Variants in ADCY7 observed in about 807,000 individuals in gnomAD.
The protein encoded by ADCY7 is adenylate cyclase type 7.
Under a neutral mutation model 120.6 loss-of-function variants are expected in ADCY7, and 72 were observed. That is an observed-to-expected ratio of 0.60 (90% CI 0.49 to 0.73). ADCY7 has a LOEUF of 0.73. ADCY7 is among the 30% of genes least tolerant of loss of function. ADCY7 has a pLI of 0.00. For missense variants in ADCY7, 1,227 were observed against 1,486.0 expected, an observed-to-expected ratio of 0.83 and a Z score of 2.87; for synonymous variants, 661 against 628.0, an observed-to-expected ratio of 1.05 and a Z score of -0.78.
At chr16:50,254,179 C>T (rs1480473354) in intron 1 of ADCY7, among the ~76,000 whole-genome samples, 7 of 152,146 alleles carry the variant, frequency 4.6e-5, no homozygotes, top group African/African-American at 1.7e-4. Context: ...AAGGTTTTGA[C>T]GTTTCATTAT....
At position 50,297,297 on chromosome 16, in the gene ADCY7, A is replaced by G. The variant is rs926600658; in HGVS notation, c.949-1607A>G. 5.9e-5 allele frequency among the ~76,000 whole-genome samples: 9 copies of G among 152,174 alleles called. No homozygotes were observed. Among genetic ancestry groups the G allele is most frequent in the Non-Finnish European group, 1.3e-4 (9 of 68,032 alleles). ...GGCATACAAGTCACACCTCCGCACA[A>G]GACCCAGCTCCCCAACTCCAAGTGT... On this transcript the variant is annotated intron_variant, in intron 7 of 25. Transcript: ENST00000673801. This position sits in a 1 kb window ranked among gnomAD's most constrained non-coding sequence, Gnocchi z 4.4.
chr16:50,283,318 G>GT (rs1223420987), intron 1 of ADCY7, among the ~76,000 whole-genome samples: 1 of 152,230 alleles, frequency 6.6e-6, no homozygotes, highest in Non-Finnish European at 1.5e-5. Context: ...GGTGTTGCCA[G>GT]GCCCCTGTCT....
chr16:50,286,544 C>T (rs572027965), intron 1 of ADCY7, among the ~76,000 whole-genome samples: 1 of 152,238 alleles, frequency 6.6e-6, no homozygotes, highest in Admixed American at 6.5e-5. Context: ...GCCTATGCCC[C>T]CCCACCTTCC....
intron 1 of ADCY7, among the ~76,000 whole-genome samples, 194 bp from the exon 2 acceptor site, chr16:50,287,718 C>T (rs2034671159): frequency 6.7e-6 from 1 of 149,208 alleles, no homozygotes. Context: ...TGGCTAGTGG[C>T]TACTATCTTG....
chr16:50,300,132 C>T (rs1304026520), intron 8 of ADCY7, among the ~76,000 whole-genome samples: 3 of 152,092 alleles, frequency 2.0e-5, no homozygotes, highest in Non-Finnish European at 2.9e-5. Context: ...TTGCCCAGAG[C>T]GTATCTCGGT....
intron 2 of ADCY7, 22 bp downstream of exon 2, chr16:50,288,372 G>A (rs2034716075): frequency 1.3e-6 from 2 of 1,522,370 alleles, no homozygotes; most frequent in Non-Finnish European, 8.9e-7. Flanking sequence ...CAGCCCCTGG[G>A]CTTCACGTCT....
chr16:50,310,448 C>T (rs1567579398), intron 18 of ADCY7: 32 of 1,535,956 alleles, frequency 2.1e-5, no homozygotes, highest in Non-Finnish European at 2.8e-5. Flanking sequence ...TCTGTTGTAT[C>T]CACAGCACCT....
intron 1 of ADCY7, among the ~76,000 whole-genome samples, chr16:50,277,839 T>A (rs1231980769): frequency 6.6e-6 from 1 of 151,694 alleles, no homozygotes; most frequent in Non-Finnish European, 1.5e-5. Flanking sequence ...CCCAGCTAAT[T>A]TTTTGTATTT....
At chr16:50,295,693 C>T (rs1463303838) in intron 7 of ADCY7, among the ~76,000 whole-genome samples, 1 of 151,962 alleles carries the variant, frequency 6.6e-6, no homozygotes, top group Non-Finnish European at 1.5e-5. Flanking sequence ...AGGGCTGAGG[C>T]GAGGACCAGG....
rs548647501 is a variant in ADCY7 at position 50,290,528 on chromosome 16, G to T, written c.243G>T (p.Val81=). The T allele has an allele frequency of 6.2e-7, 1 of 1,614,236 alleles. No individual in the cohort carries two copies. Among genetic ancestry groups the T allele is most frequent in the East Asian group, 2.2e-5 (1 of 44,888 alleles). The change falls in exon 3 of 26, where the codon GTG becomes GTT. Residue 81 remains valine, a synonymous_variant. Coordinates refer to ENST00000673801, the MANE Select transcript of ADCY7 (RefSeq NM_001114.5). Reference sequence around the variant, plus strand: ...TGGCGGTGTTTGCGGCCCTCTCTGTGCTGATGTACGTCGAGTGTCTCCTGC... The same window carrying T: ...TGGCGGTGTTTGCGGCCCTCTCTGTTCTGATGTACGTCGAGTGTCTCCTGC... ...LVLAVFAALS[V]LMYVECLLRR... is the part of the protein sequence containing the mutation.
rs185649823 is a variant in ADCY7, at chr16:50,270,352, G to A, written c.-269+3672G>A. 1.4e-3 allele frequency among the ~76,000 whole-genome samples: 211 copies of A among 152,316 alleles called. 1 individual carries two copies. Among genetic ancestry groups the A allele is most frequent in the African/African-American group, 4.8e-3 (198 of 41,568 alleles). ...CAGAGGTTATCCGGTCCAGCATCCC[G>A]CCTCCAGGCAGAACTGGACTGTGCT... On this transcript the variant is annotated intron_variant, in intron 1 of 25. Transcript: ENST00000673801.
intron 21 of ADCY7, among the ~76,000 whole-genome samples, chr16:50,312,631 T>A (rs1390263967): frequency 1.1e-4 from 17 of 152,062 alleles, no homozygotes; most frequent in Admixed American, 1.1e-3. Context: ...ACTGCAGAGG[T>A]TCTCACCCCA....
At position 50,294,626 on chromosome 16, in the gene ADCY7, T is replaced by G; in HGVS notation, c.837-14T>G. The G allele has an allele frequency of 2.0e-5, 15 of 765,608 alleles. No homozygotes were observed. Among genetic ancestry groups the G allele is most frequent in the Non-Finnish European group, 3.2e-5 (14 of 440,060 alleles). The allele number at this position is 765,608 out of a possible 1,614,324, so 47.4% of individuals were successfully genotyped here. On this transcript the variant is annotated splice_polypyrimidine_tract_variant and intron_variant, in intron 6 of 25. Transcript: ENST00000673801. ...CTGGCTCTGACACTCCCTCCCACCC[T>G]GCCCCATCCCCAGCATCCTCTATGC...
chr16:50,282,850 A>G (rs2034359777), intron 1 of ADCY7, among the ~76,000 whole-genome samples: 1 of 151,938 alleles, frequency 6.6e-6, no homozygotes, highest in Admixed American at 6.6e-5. Flanking sequence ...AGCTTGGACT[A>G]CAAGTGTATG....
At chr16:50,280,431 T>C (rs1375195260) in intron 1 of ADCY7, among the ~76,000 whole-genome samples, 1 of 152,114 alleles carries the variant, frequency 6.6e-6, no homozygotes, top group Non-Finnish European at 1.5e-5. Flanking sequence ...TTTTTGTGTC[T>C]TGATTTTCTT....
At chr16:50,281,161 C>T (rs117444713) in intron 1 of ADCY7, among the ~76,000 whole-genome samples, 1 of 152,222 alleles carries the variant, frequency 6.6e-6, no homozygotes, top group East Asian at 1.9e-4. Flanking sequence ...ACTAAGCGTG[C>T]CTTCTTGGCC....
At position 50,252,558 on chromosome 16, in the gene ADCY7, A is replaced by T. The variant is rs1350794347; in HGVS notation, c.-64+6355A>T. ...AGCTGTGCCTTAAGGTCATCATCTC[A>T]CAGAGGAGGGGACAGGCTCAGTGAC... On this transcript the variant is annotated intron_variant, in intron 1 of 4. Coordinates refer to the ADCY7 transcript ENST00000564044. 2.0e-5 allele frequency among the ~76,000 whole-genome samples: 3 copies of T among 152,138 alleles called. No homozygotes were observed. The East Asian group carries it at 5.8e-4, about 30-fold the overall frequency.
intron 1 of ADCY7, among the ~76,000 whole-genome samples, chr16:50,276,406 T>C (rs962795221): frequency 6.6e-6 from 1 of 152,194 alleles, no homozygotes; most frequent in Admixed American, 6.5e-5. Context: ...CTTTCTGACA[T>C]CTTGGTGATG....
At chr16:50,281,170 C>T (rs573629742) in intron 1 of ADCY7, among the ~76,000 whole-genome samples, 9 of 152,340 alleles carry the variant, frequency 5.9e-5, no homozygotes, top group Non-Finnish European at 8.8e-5. Flanking sequence ...GCCTTCTTGG[C>T]CATTTGCCAA....
Sources: gnomAD v4.1 joint callset for allele counts (sites outside exome capture counted in the v4.1 genomes callset) on GRCh38, gnomAD v4.1.1 for gene constraint, Gnocchi (gnomAD v3.1) non-coding constraint, MANE v1.5 for transcripts, NCBI Gene and HGNC (gene_info 2026-07-23, HGNC 2026-07-21) for gene names.